IL1RL1: variants seen among roughly 807,000 people sequenced by gnomAD.
The protein encoded by IL1RL1 is interleukin 1 receptor like 1.
In IL1RL1, 32 loss-of-function variants were observed where a neutral mutation model predicts 50.9. The observed-to-expected ratio is 0.63, with a 90% CI of 0.47 to 0.84. The LOEUF is 0.84. IL1RL1 is among the 40% of genes least tolerant of loss of function. The pLI, the probability that IL1RL1 is intolerant of heterozygous loss-of-function variation, is 0.00. For missense variants in IL1RL1, 773 were observed against 662.9 expected (o/e 1.17, Z -1.82); for synonymous variants, 275 against 236.0 (o/e 1.17, Z -1.51).
intron 1 of IL1RL1, among the ~76,000 whole-genome samples, chr2:102,328,762 C>G (rs373683210): frequency 6.6e-6 from 1 of 152,076 alleles, no homozygotes; most frequent in African/African-American, 2.4e-5. Context: ...AATGAAATAC[C>G]TAGGAATCCA....
downstream of IL1RL1, among the ~76,000 whole-genome samples, chr2:102,352,296 C>T (rs1435398859): frequency 2.7e-5 from 4 of 146,592 alleles, no homozygotes; most frequent in Admixed American, 7.1e-5. Flanking sequence ...TTTCACGTCA[C>T]TTGAAGAACA....
rs2105000228 is a variant in IL1RL1, at chr2:102,349,122, C to T, written c.1161C>T (p.Tyr387=). The change falls in exon 10 of 11, where the codon TAC becomes TAT. Residue 387 remains tyrosine (Y), a synonymous_variant. Coordinates refer to ENST00000233954, the MANE Select transcript of IL1RL1 (RefSeq NM_016232.5). ...YDAYVVYPRN[Y]KSSTDGASRV... ...CTTATGTTGTCTACCCACGGAACTACAAATCCAGTACAGATGGGGCCAGTC... is the reference window on the plus strand; with the variant it reads ...CTTATGTTGTCTACCCACGGAACTATAAATCCAGTACAGATGGGGCCAGTC... 6.2e-7 allele frequency: 1 copy of T among 1,613,670 alleles called. No homozygotes were observed. Among genetic ancestry groups the T allele is most frequent in the East Asian group, 2.2e-5 (1 of 44,872 alleles).
In IL1RL1 at chr2:102,351,855, G is replaced by A. The variant is rs1677946484; in HGVS notation, c.1605G>A (p.Met535Ile). The A allele has an allele frequency of 1.2e-6, 2 of 1,613,850 alleles. No individual in the cohort carries two copies. ...TCTGGAAGCACGTGAGGTACCAAAT[G>A]CCTGTGCCAAGCAAAATTCCCAGAA... ...SKFWKHVRYQ[M>I]PVPSKIPRKA... Residue 535 changes from methionine (M) to isoleucine (I), a missense_variant, in exon 11 of 11, where the codon ATG becomes ATA. Transcript: ENST00000233954.
intron 1 of IL1RL1, among the ~76,000 whole-genome samples, chr2:102,330,493 AAAG>A (rs34890475): frequency 0.083 from 12,679 of 152,256 alleles, 585 homozygotes; most frequent in Middle Eastern, 0.31. Flanking sequence ...AGTATAATAA[AAAG>A]AAGAAGTAGA....
intron 5 of IL1RL1, 73 bp from the exon 6 acceptor site, chr2:102,342,150 C>A: frequency 9.6e-7 from 1 of 1,042,710 alleles, no homozygotes; most frequent in Non-Finnish European, 1.4e-6. Flanking sequence ...AGAATAGAAA[C>A]ATGAAAATAC....
chr2:102,346,062 G>A, intron 8 of IL1RL1: 1 of 974,472 alleles, frequency 1.0e-6, no homozygotes, highest in Non-Finnish European at 1.2e-6. Context: ...CTCTGTTTCA[G>A]CAACTGTATA....
intron 1 of IL1RL1, among the ~76,000 whole-genome samples, chr2:102,332,845 C>CAA (rs373004868): frequency 0.017 from 2,598 of 151,854 alleles, 30 homozygotes; most frequent in Middle Eastern, 0.031. Flanking sequence ...AAATCAGAAG[C>CAA]AAAAAAAGAA....
At chr2:102,350,212 AC>A (rs750402023) in intron 10 of IL1RL1, among the ~76,000 whole-genome samples, 39 of 152,072 alleles carry the variant, frequency 2.6e-4, no homozygotes, top group South Asian at 4.2e-4. Context: ...GCTCTCAAAC[AC>A]TCTTTTCATA....
At chr2:102,338,789 C>A (rs759790580) in intron 2 of IL1RL1, 48 bp from the exon 3 acceptor site, 21 of 1,392,056 alleles carry the variant, frequency 1.5e-5, no homozygotes, top group Non-Finnish European at 2.0e-5. Context: ...GAATTATGAT[C>A]TTTTCATTTG....
intron 8 of IL1RL1, chr2:102,345,847 G>A: frequency 1.0e-6 from 1 of 985,392 alleles, no homozygotes; most frequent in Non-Finnish European, 1.2e-6. Context: ...TGGGGTGGTG[G>A]TGGGCCCAGT....
chr2:102,318,176 T>C (rs1323796542), intron 1 of IL1RL1, among the ~76,000 whole-genome samples: 1 of 152,076 alleles, frequency 6.6e-6, no homozygotes, highest in Non-Finnish European at 1.5e-5. Context: ...AAATCAATTA[T>C]AGGGGACAAG....
chr2:102,334,757 A>G (rs1677266772), intron 1 of IL1RL1, among the ~76,000 whole-genome samples: 1 of 152,186 alleles, frequency 6.6e-6, no homozygotes, highest in Non-Finnish European at 1.5e-5. Context: ...TAGGACATTT[A>G]CATTTTACAT....
At chr2:102,312,002 T>TATA (rs796738532) in intron 1 of IL1RL1, among the ~76,000 whole-genome samples, 2 of 28,538 alleles carry the variant, frequency 7.0e-5, no homozygotes, top group Admixed American at 5.7e-4. Flanking sequence ...ATATAATATA[T>TATA]TTATATATAT....
chr2:102,313,613 A>G (rs1359000497), intron 1 of IL1RL1, among the ~76,000 whole-genome samples: 2 of 152,162 alleles, frequency 1.3e-5, no homozygotes, highest in African/African-American at 4.8e-5. Flanking sequence ...AAGGGTTTAT[A>G]TTTCTCTGCC....
intron 9 of IL1RL1, 62 bp from the exon 10 acceptor site, chr2:102,349,017 A>G (rs1351416506): frequency 1.5e-6 from 2 of 1,301,134 alleles, no homozygotes; most frequent in African/African-American, 1.5e-5. Flanking sequence ...AATGTCTTCA[A>G]AGAGTCCAGT....
intron 1 of IL1RL1, among the ~76,000 whole-genome samples, chr2:102,327,064 C>T (rs1050192808): frequency 2.0e-5 from 3 of 152,066 alleles, no homozygotes; most frequent in Non-Finnish European, 4.4e-5. Context: ...TTTTTCAGCA[C>T]CACACCACAC....
chr2:102,347,435 T>C (rs904722632), intron 8 of IL1RL1, among the ~76,000 whole-genome samples: 6 of 152,240 alleles, frequency 3.9e-5, no homozygotes, highest in African/African-American at 1.4e-4. Context: ...AACCTGGCCC[T>C]GACCAAACTT....
intron 1 of IL1RL1, among the ~76,000 whole-genome samples, chr2:102,328,960 A>C (rs1432164043): frequency 6.6e-6 from 1 of 152,172 alleles, no homozygotes; most frequent in African/African-American, 2.4e-5. Flanking sequence ...GCTACCAATG[A>C]CTTTCTTCAC....
chr2:102,331,170 G>C (rs1181944199), intron 1 of IL1RL1, among the ~76,000 whole-genome samples: 1 of 152,198 alleles, frequency 6.6e-6, no homozygotes, highest in Non-Finnish European at 1.5e-5. Context: ...GTCAGGTTGT[G>C]TAAGTTCTCT....
Sources: gnomAD v4.1 joint callset for allele counts (sites outside exome capture counted in the v4.1 genomes callset) on GRCh38, gnomAD v4.1.1 for gene constraint, MANE v1.5 for transcripts, NCBI Gene and HGNC (gene_info 2026-07-23, HGNC 2026-07-21) for gene names.